Variants in MYH7B observed in about 807,000 individuals in gnomAD.
MYH7B encodes the protein myosin-7B.
In MYH7B, 205 loss-of-function variants were observed where a neutral mutation model predicts 234.5. The observed-to-expected ratio is 0.87, with a 90% confidence interval of 0.78 to 0.98. MYH7B has a LOEUF of 0.98. MYH7B is among the 50% of genes least tolerant of loss of function. The probability of loss-of-function intolerance (pLI) is 0.00; values close to 1 mark genes in which losing one functional copy is unlikely to be tolerated. For missense variants in MYH7B, 2,652 were observed against 2,633.4 expected (o/e 1.01, Z -0.15); for synonymous variants, 1,193 against 1,105.0 (o/e 1.08, Z -1.58).
chr20:34,986,239 G>A (rs1246250475), intron 14 of MYH7B, 41 bp downstream of exon 14: 2 of 1,508,192 alleles, frequency 1.3e-6, no homozygotes, highest in Non-Finnish European at 1.8e-6. Context: ...GTCAGAACCT[G>A]GAGGGGCTGC....
intron 7 of MYH7B, 38 bp downstream of exon 7, chr20:34,979,842 T>TGTATGTGGGGCGGGGCTA (rs2081915798): frequency 1.3e-6 from 2 of 1,596,230 alleles, no homozygotes; most frequent in Admixed American, 1.7e-5. Flanking sequence ...GGGTGGGGCT[T>TGTATGTGGGGCGGGGCTA]GTATGTGGGG....
intron 2 of MYH7B, among the ~76,000 whole-genome samples, chr20:34,974,563 A>G (rs1441034892): frequency 6.6e-6 from 1 of 152,146 alleles, no homozygotes; most frequent in Non-Finnish European, 1.5e-5. Context: ...AGGTTCATAC[A>G]CTGAGTAGGT....
At chr20:34,975,583 T>C (rs2081841602) in intron 3 of MYH7B, 84 bp downstream of exon 3, 2 of 682,304 alleles carry the variant, frequency 2.9e-6, no homozygotes, top group Middle Eastern at 2.4e-4. Flanking sequence ...TTGACTGTAA[T>C]GGCAAAAGAC....
chr20:34,999,752 C>T (rs746008326), intron 37 of MYH7B, 39 bp from the exon 38 acceptor site: 7 of 305,226 alleles, frequency 2.3e-5, no homozygotes, highest in African/African-American at 8.0e-5. Context: ...ACTGGCCATC[C>T]CCCCCCCCCA....
rs138664500 is a variant in MYH7B at position 34,971,992 on chromosome 20, G to C, written c.-221-3408G>C. On this transcript the variant is annotated intron_variant, in intron 2 of 44. Transcript: ENST00000262873. ...CATCTTCACCCCCTACCCTGCCTTG[G>C]AGTTCTAGGTCATGCTGTCCATTTC... Among the ~76,000 whole-genome samples the C allele has an allele frequency of 7.4e-3, 1,119 of 152,124 alleles. 6 individuals are homozygous for C. The highest frequency in any genetic ancestry group is 0.011 in the Admixed American group (174 of 15,284).
In MYH7B at chr20:34,979,678, A is replaced by G. The variant is rs749483992; in HGVS notation, c.216A>G (p.Glu72=). 8 of 1,614,006 alleles carry G rather than the reference A, an allele frequency of 5.0e-6. No individual in the cohort carries two copies. In the African/African-American group the frequency reaches 1.1e-4, roughly 22 times the overall value. Residue 72 remains glutamate (E), a synonymous_variant, in exon 7 of 45, where the codon GAA becomes GAG. Coordinates refer to ENST00000262873, the Ensembl canonical transcript of MYH7B. ...CCTGGTAGGTGCTGATGGTGCGTGA[A>G]GCCGAGCTGCAGCCCATGAACCCGC...
intron 1 of MYH7B, among the ~76,000 whole-genome samples, 25 bp from the exon 2 acceptor site, chr20:34,958,073 G>A (rs1318631863): frequency 6.6e-6 from 1 of 152,206 alleles, no homozygotes; most frequent in Non-Finnish European, 1.5e-5. Context: ...AAAATCAAAA[G>A]CATGACCCAG....
chr20:34,999,384 C>A (rs754734572), exon 36 of MYH7B: 2 of 1,523,356 alleles, frequency 1.3e-6, no homozygotes, highest in East Asian at 2.3e-5. Context: ...GACGCTCAAG[C>A]GGGAGAACAA....
In MYH7B at chr20:34,979,702, GC is replaced by G. The variant is rs1569034917; in HGVS notation, c.242del (p.Pro81LeufsTer11). 1 of 1,614,156 alleles carries G rather than the reference GC, an allele frequency of 6.2e-7. No individual in the cohort carries two copies. The highest frequency in any genetic ancestry group is 8.5e-7 in the Non-Finnish European group (1 of 1,180,026). ...AAGCCGAGCTGCAGCCCATGAACCC[GC>G]CTCGCTTCGACTTACTGGAGGACAT... On this transcript the variant is annotated frameshift_variant, in exon 7 of 45. Transcript: ENST00000262873. LOFTEE classifies it high-confidence loss of function.
exon 43 of MYH7B, chr20:35,001,500 A>C: frequency 1.2e-6 from 2 of 1,609,946 alleles, no homozygotes; most frequent in South Asian, 1.1e-5. Flanking sequence ...CAAGGTCAAG[A>C]GCTACAAGCG....
chr20:34,999,156 G>C (rs1240164373), exon 36 of MYH7B: 2 of 1,613,546 alleles, frequency 1.2e-6, no homozygotes, highest in Non-Finnish European at 8.5e-7. Context: ...GCTACAGACA[G>C]AGTCAGAGGA....
intron 2 of MYH7B, among the ~76,000 whole-genome samples, chr20:34,966,907 A>G (rs1310029179): frequency 6.6e-6 from 1 of 151,624 alleles, no homozygotes; most frequent in Non-Finnish European, 1.5e-5. Context: ...CATGGGTAAC[A>G]GTGATACCTT....
Position 35,000,546 on chromosome 20 carries a change from C to G in MYH7B, c.5035C>G (p.Gln1679Glu), listed in dbSNP as rs769626099. 28 of 1,584,626 alleles carry G rather than the reference C, an allele frequency of 1.8e-5. No individual in the cohort carries two copies. The Admixed American group carries it at 4.6e-4, about 26-fold the overall frequency. ...GGCAGCTGAGCTCCACGAGCAGGCG[C>G]AGGCTCTGGAGCGCCGGGCCTCGCT... The change falls in exon 39 of 45, where the codon CAG (glutamine) becomes GAG (glutamate). Residue 1679 changes from glutamine to glutamate, a missense_variant. By Grantham distance (29) the Gln-to-Glu change is conservative. Coordinates refer to ENST00000262873, the Ensembl canonical transcript of MYH7B.
intron 2 of MYH7B, among the ~76,000 whole-genome samples, chr20:34,966,938 TAAA>T (rs1368106011): frequency 6.6e-6 from 1 of 151,304 alleles, no homozygotes; most frequent in African/African-American, 2.4e-5. Context: ...ATTTTTTTTT[TAAA>T]AAAGGGAGGC....
intron 24 of MYH7B, among the ~76,000 whole-genome samples, chr20:34,992,567 T>G (rs1390302299): frequency 2.0e-5 from 3 of 147,242 alleles, no homozygotes; most frequent in Non-Finnish European, 4.5e-5. Context: ...TTGTGTTTTT[T>G]TTTTTTTTTT....
rs760371552 is a variant in MYH7B, at chr20:34,987,121, T to C, written c.1009-28T>C. ...GACCCTGGAGGAGCCCAGACCTCTC[T>C]GAACTCGCTTTCCCTGCTGCCCCCC... is the stretch of plus-strand genomic sequence containing the variant. On this transcript the variant is annotated intron_variant, in intron 15 of 44. Coordinates refer to ENST00000262873, the Ensembl canonical transcript of MYH7B. 1.5e-5 allele frequency: 24 copies of C among 1,612,544 alleles called. No individual in the cohort carries two copies. The Admixed American group carries it at 3.5e-4, about 24-fold the overall frequency.
At chr20:34,995,504 C>T (rs746878999) in exon 28 of MYH7B, 1 of 1,614,180 alleles carries the variant, frequency 6.2e-7, no homozygotes, top group East Asian at 2.2e-5. Context: ...GTGCACGGAG[C>T]TCAAGAAGGA....
rs1168333987 is a variant in MYH7B at position 34,997,135 on chromosome 20, T to C, written c.3319T>C (p.Leu1107=). The change falls in exon 31 of 45, where the codon TTG becomes CTG. Residue 1107 remains leucine (L), a synonymous_variant. Transcript: ENST00000262873. ...CCTGCGGGTGGAAGACGAGCAGCTC[T>C]TGGGGGCCCAGATGCAGAAGAAGAT... 3.7e-5 allele frequency: 57 copies of C among 1,549,230 alleles called. No individual in the cohort carries two copies. The highest frequency in any genetic ancestry group is 4.9e-5 in the Non-Finnish European group (56 of 1,146,824).
Position 34,986,175 on chromosome 20 carries a change from C to G in MYH7B, c.881C>G (p.Ser294Ter). The G allele has an allele frequency of 6.3e-7, 1 of 1,597,498 alleles. No individual in the cohort carries two copies. The highest frequency in any genetic ancestry group is 8.5e-7 in the Non-Finnish European group (1 of 1,171,012). Residue 294 changes from serine to a stop codon, truncating the protein, a stop_gained, in exon 14 of 45, where the codon TCA becomes TGA. Coordinates refer to ENST00000262873, the Ensembl canonical transcript of MYH7B. LOFTEE classifies it high-confidence loss of function. ...TACCATGTCTACTACCAGATCCTCT[C>G]AGGGAGGAAGCCAGAGCTGCAGGGT...
Sources: gnomAD v4.1 joint callset for allele counts (sites outside exome capture counted in the v4.1 genomes callset) on GRCh38, gnomAD v4.1.1 for gene constraint, MANE v1.5 for transcripts, NCBI Gene and HGNC (gene_info 2026-07-23, HGNC 2026-07-21) for gene names.